COMMD10: variants seen among roughly 807,000 people sequenced by gnomAD.
COMMD10 encodes the protein COMM domain-containing protein 10.
Under a neutral mutation model 28.9 loss-of-function variants are expected in COMMD10, and 33 were observed. That is an observed-to-expected ratio of 1.14 (90% CI 0.87 to 1.53). The LOEUF is 1.53. Among genes scored for constraint, COMMD10 ranks in the 40% most tolerant of loss-of-function variants. The pLI is 0.00. For missense variants in COMMD10, 310 were observed against 233.4 expected (o/e 1.33, Z -2.14); for synonymous variants, 110 against 81.7 (o/e 1.35, Z -1.87).
intron 5 of COMMD10, among the ~76,000 whole-genome samples, chr5:116,164,020 A>G (rs1301134353): frequency 6.6e-6 from 1 of 152,146 alleles, no homozygotes; most frequent in Non-Finnish European, 1.5e-5. Context: ...TTCCTTAGTC[A>G]ATATAACACT....
chr5:116,247,952 C>T (rs1561390980), intron 5 of COMMD10, among the ~76,000 whole-genome samples: 1 of 151,382 alleles, frequency 6.6e-6, no homozygotes, highest in Admixed American at 6.6e-5. Flanking sequence ...ACATGTACCC[C>T]TGAACTTAAA....
chr5:116,111,569 A>G (rs76774173), intron 4 of COMMD10, among the ~76,000 whole-genome samples: 2,025 of 150,506 alleles, frequency 0.013, 46 homozygotes, highest in African/African-American at 0.045. Flanking sequence ...CTGTATTTGT[A>G]TAGTTTCCAG....
chr5:116,126,079 G>C (rs1253923558), intron 4 of COMMD10, among the ~76,000 whole-genome samples: 2 of 152,208 alleles, frequency 1.3e-5, no homozygotes, highest in Non-Finnish European at 2.9e-5. Flanking sequence ...CTTCAGCAAA[G>C]TCTTAGGATA....
At chr5:116,271,759 C>A (rs1750763560) in intron 5 of COMMD10, among the ~76,000 whole-genome samples, 1 of 151,854 alleles carries the variant, frequency 6.6e-6, no homozygotes, top group Non-Finnish European at 1.5e-5. Context: ...TTAAGTCAGA[C>A]CCTGCTTAAA....
chr5:116,147,805 G>A (rs1337762206), intron 5 of COMMD10, among the ~76,000 whole-genome samples: 1 of 151,746 alleles, frequency 6.6e-6, no homozygotes, highest in African/African-American at 2.4e-5. Context: ...AAAAATGTAA[G>A]AAAATAAAAT....
chr5:116,100,033 A>G (rs144126545), intron 4 of COMMD10, among the ~76,000 whole-genome samples: 246 of 152,294 alleles, frequency 1.6e-3, no homozygotes, highest in African/African-American at 5.7e-3. Context: ...CACCTTATAT[A>G]CATAGCCTGA....
At chr5:116,188,579 C>G (rs1429884295) in intron 5 of COMMD10, 1 of 150,426 alleles carries the variant, frequency 6.6e-6, no homozygotes, top group African/African-American at 2.5e-5. Context: ...TTTCTTCTTT[C>G]TTTCTTTCTT....
chr5:116,154,778 T>C (rs1752651858), intron 5 of COMMD10, among the ~76,000 whole-genome samples: 1 of 103,148 alleles, frequency 9.7e-6, no homozygotes, highest in South Asian at 3.2e-4. Flanking sequence ...AAGTGAGTGA[T>C]AGCCCTTCAT....
At chr5:116,291,056 G>A (rs1469948998) in intron 5 of COMMD10, among the ~76,000 whole-genome samples, 1 of 152,140 alleles carries the variant, frequency 6.6e-6, no homozygotes, top group Non-Finnish European at 1.5e-5. Flanking sequence ...AGCATGTTGA[G>A]ATCACAACTG....
chr5:116,290,640 CT>C (rs1751338479), intron 5 of COMMD10, among the ~76,000 whole-genome samples: 1 of 151,868 alleles, frequency 6.6e-6, no homozygotes, highest in Non-Finnish European at 1.5e-5. Flanking sequence ...TTTTCTACTT[CT>C]TTAGTTCATG....
chr5:116,091,660 T>C (rs904480079), intron 3 of COMMD10, among the ~76,000 whole-genome samples: 2 of 152,174 alleles, frequency 1.3e-5, no homozygotes, highest in African/African-American at 4.8e-5. Context: ...ATTTGGATTT[T>C]TAAAAATCCT....
intron 5 of COMMD10, among the ~76,000 whole-genome samples, chr5:116,265,328 T>C (rs1750556678): frequency 6.6e-6 from 1 of 151,782 alleles, no homozygotes; most frequent in South Asian, 2.1e-4. Context: ...TGATTATTCA[T>C]GTAAAGGGCC....
chr5:116,290,379 T>TTACA (rs1554062276), intron 5 of COMMD10, among the ~76,000 whole-genome samples: 1 of 151,036 alleles, frequency 6.6e-6, no homozygotes, highest in Non-Finnish European at 1.5e-5. Context: ...GCTTAAGTAC[T>TTACA]TAGATATATG....
At chr5:116,169,681 A>G (rs953223021) in intron 5 of COMMD10, among the ~76,000 whole-genome samples, 1 of 152,214 alleles carries the variant, frequency 6.6e-6, no homozygotes, top group Non-Finnish European at 1.5e-5. Flanking sequence ...AGGCTGGTTC[A>G]ACATATGCAA....
At chr5:116,254,896 G>T (rs1247670201) in intron 5 of COMMD10, among the ~76,000 whole-genome samples, 5 of 151,188 alleles carry the variant, frequency 3.3e-5, no homozygotes, top group Admixed American at 3.3e-4. Flanking sequence ...TTGACAGTGG[G>T]GTGTTAAAGT....
intron 5 of COMMD10, among the ~76,000 whole-genome samples, chr5:116,217,572 C>T (rs1749138089): frequency 6.6e-6 from 1 of 152,162 alleles, no homozygotes; most frequent in Non-Finnish European, 1.5e-5. Context: ...CAGTGGCATC[C>T]CGGAAAAGTC....
At chr5:116,148,869 G>A (rs1270261901) in intron 5 of COMMD10, among the ~76,000 whole-genome samples, 2 of 151,232 alleles carry the variant, frequency 1.3e-5, no homozygotes, top group Admixed American at 6.6e-5. Flanking sequence ...TATACTTTAA[G>A]TTTTAAGTTT....
chr5:116,266,849 A>G (rs1281605298), intron 5 of COMMD10, among the ~76,000 whole-genome samples: 1 of 151,910 alleles, frequency 6.6e-6, no homozygotes. Context: ...CAAAAACGAC[A>G]AGATTATCTC....
chr5:116,226,404 C>G (rs1012516791), intron 5 of COMMD10, among the ~76,000 whole-genome samples: 1 of 134,076 alleles, frequency 7.5e-6, no homozygotes, highest in South Asian at 2.6e-4. Flanking sequence ...CATGTTTGCA[C>G]TTTGTACTTC....
Sources: gnomAD v4.1 joint callset for allele counts (sites outside exome capture counted in the v4.1 genomes callset) on GRCh38, gnomAD v4.1.1 for gene constraint, MANE v1.5 for transcripts, NCBI Gene and HGNC (gene_info 2026-07-23, HGNC 2026-07-21) for gene names.